KLRG2: variants seen among roughly 807,000 people sequenced by gnomAD.
The protein encoded by KLRG2 is killer cell lectin-like receptor subfamily G member 2.
A neutral mutation model predicts 35.4 loss-of-function variants in KLRG2; 39 were observed. The observed-to-expected ratio is 1.10, with a 90% confidence interval of 0.85 to 1.44. KLRG2 has a LOEUF of 1.44. Ranked by LOEUF, KLRG2 falls within the 40% of genes most tolerant of loss-of-function variation. The probability of loss-of-function intolerance (pLI) is 0.00; values close to 1 mark genes in which losing one functional copy is unlikely to be tolerated. For missense variants in KLRG2, 632 were observed against 570.9 expected (o/e 1.11, Z -1.09); for synonymous variants, 283 against 265.8 (o/e 1.06, Z -0.63).
downstream of KLRG2, among the ~76,000 whole-genome samples, chr7:139,450,384 C>T (rs921031213): frequency 5.7e-4 from 87 of 151,902 alleles, no homozygotes; most frequent in African/African-American, 1.5e-3. Flanking sequence ...CCACCACGCC[C>T]GGCTAATTTT....
chr7:139,435,905 AT>A, the KLRG2 span, among the ~76,000 whole-genome samples: 204 of 144,842 alleles, frequency 1.4e-3, no homozygotes, highest in Admixed American at 3.6e-3. Flanking sequence ...AGGGCCTGTA[AT>A]TTTTTTTTTT....
At chr7:139,430,302 T>A in the KLRG2 span, among the ~76,000 whole-genome samples, 1 of 152,154 alleles carries the variant, frequency 6.6e-6, no homozygotes, top group African/African-American at 2.4e-5. Flanking sequence ...CTTGGGAGGC[T>A]GAGGCAGGAG....
At chr7:139,479,863 C>G in intron 2 of KLRG2, 91 bp from the exon 3 acceptor site, 2 of 1,408,566 alleles carry the variant, frequency 1.4e-6, no homozygotes. Context: ...GGGCATGGAA[C>G]TGGCAAACCT....
the KLRG2 span, among the ~76,000 whole-genome samples, chr7:139,435,227 C>T: frequency 2.6e-5 from 4 of 152,162 alleles, no homozygotes; most frequent in Non-Finnish European, 4.4e-5. Flanking sequence ...CAGTGGCTCA[C>T]GCCTGTAATC....
At position 139,479,759 on chromosome 7, in the gene KLRG2, C is replaced by T. The variant is rs773635834; in HGVS notation, c.873G>A (p.Gln291=). The change falls in exon 3 of 5, where the codon CAG becomes CAA. Residue 291 remains glutamine (Q), a synonymous_variant. Transcript: ENST00000340940. ...VLASRAGARC[Q]QCPPGWVLSE... ...ACAACACCCAGCCTGGGGGGCACTG[C>T]TGGCATCTGGCTCCTGCAAGCACAG... is the stretch of plus-strand genomic sequence containing the variant. 6.2e-7 allele frequency: 1 copy of T among 1,613,664 alleles called. No homozygotes were observed. The highest frequency in any genetic ancestry group is 8.5e-7 in the Non-Finnish European group (1 of 1,179,812).
chr7:139,429,403 C>A, the KLRG2 span, among the ~76,000 whole-genome samples: 1 of 141,164 alleles, frequency 7.1e-6, no homozygotes, highest in African/African-American at 2.8e-5. Context: ...TTTTATTGAT[C>A]ATTCTTGGGT....
Position 139,482,973 on chromosome 7 carries a change from G to C in KLRG2, c.670C>G (p.Leu224Val). 2 of 1,427,404 alleles carry C rather than the reference G, an allele frequency of 1.4e-6. No homozygotes were observed. The highest frequency in any genetic ancestry group is 1.8e-6 in the Non-Finnish European group (2 of 1,101,070). The allele number at this position is 1,427,404 out of a possible 1,614,324, so 88.4% of individuals were successfully genotyped here. A position where few individuals can be genotyped will look rare whatever the true frequency, so the allele number is the denominator to read the frequency against. ...GSPTCCRCKE[L>V]GLEKEDAALL... ...GCCGCATCCTCCTTCTCCAGCCCCA[G>C]CTCCTTGCAGCGGCAGCACGTGGGG... Residue 224 changes from leucine (L) to valine (V), a missense_variant, in exon 1 of 5, where the codon CTG becomes GTG. Leu to Val is a conservative substitution (Grantham distance 32, BLOSUM62 1). Coordinates refer to ENST00000340940, the MANE Select transcript of KLRG2 (RefSeq NM_198508.4).
At chr7:139,451,964 TC>T (rs1390996113), downstream of KLRG2, among the ~76,000 whole-genome samples, 29 of 134,326 alleles carry the variant, frequency 2.2e-4, no homozygotes, top group African/African-American at 8.2e-4. Flanking sequence ...AATTTCCATG[TC>T]CTTTTTTTTT....
chr7:139,473,704 T>C (rs916857107), intron 3 of KLRG2, among the ~76,000 whole-genome samples: 2 of 152,182 alleles, frequency 1.3e-5, no homozygotes, highest in African/African-American at 4.8e-5. Flanking sequence ...CCAGGTACAG[T>C]GGCTCACACC....
chr7:139,428,160 T>C, the KLRG2 span, among the ~76,000 whole-genome samples: 1 of 152,210 alleles, frequency 6.6e-6, no homozygotes, highest in Non-Finnish European at 1.5e-5. Context: ...GCACCTTTTA[T>C]TCTAGTCTCA....
chr7:139,469,171 T>A (rs1421752565), intron 3 of KLRG2, among the ~76,000 whole-genome samples: 1 of 152,210 alleles, frequency 6.6e-6, no homozygotes, highest in Non-Finnish European at 1.5e-5. Context: ...TTTATTTACT[T>A]ATTTTTTTGA....
At chr7:139,449,137 C>T (rs1387641761), downstream of KLRG2, among the ~76,000 whole-genome samples, 5 of 150,044 alleles carry the variant, frequency 3.3e-5, no homozygotes, top group African/African-American at 9.9e-5. Context: ...CGTGGTGGCT[C>T]ACGCCTGTAA....
chr7:139,453,769 G>T, intron 4 of KLRG2, 62 bp from the exon 5 acceptor site: 2 of 1,599,554 alleles, frequency 1.3e-6, no homozygotes, highest in Non-Finnish European at 1.7e-6. Context: ...TTGCTTCCCA[G>T]CCAGACCCTC....
chr7:139,464,532 T>C (rs1270829599), intron 3 of KLRG2, among the ~76,000 whole-genome samples: 1 of 152,178 alleles, frequency 6.6e-6, no homozygotes, highest in Non-Finnish European at 1.5e-5. Context: ...TAGATAAACC[T>C]AGCTGACCCC....
At chr7:139,472,574 G>A (rs1404669144) in intron 3 of KLRG2, among the ~76,000 whole-genome samples, 2 of 150,120 alleles carry the variant, frequency 1.3e-5, no homozygotes, top group Non-Finnish European at 3.0e-5. Context: ...GTAAGACCCC[G>A]TGTCCATTAA....
At chr7:139,457,796 G>C (rs542416602) in intron 3 of KLRG2, among the ~76,000 whole-genome samples, 2 of 151,986 alleles carry the variant, frequency 1.3e-5, no homozygotes, top group Admixed American at 6.6e-5. Flanking sequence ...TTTTCCTTGC[G>C]TTTGAGACTC....
chr7:139,451,675 G>A (rs995261516), downstream of KLRG2, among the ~76,000 whole-genome samples: 3 of 152,090 alleles, frequency 2.0e-5, no homozygotes, highest in African/African-American at 7.2e-5. Flanking sequence ...AAAGAATGCG[G>A]CCTTTGGAGT....
At chr7:139,454,272 C>T (rs568347205) in intron 3 of KLRG2, 58 bp from the exon 4 acceptor site, 34 of 827,290 alleles carry the variant, frequency 4.1e-5, no homozygotes, top group South Asian at 7.5e-5. Flanking sequence ...TTGCCTGGGG[C>T]GTACGGATTC....
At chr7:139,445,081 AT>A in the KLRG2 span, among the ~76,000 whole-genome samples, 44,027 of 142,402 alleles carry the variant, frequency 0.31, 7,761 homozygotes, top group African/African-American at 0.5. Flanking sequence ...CACTATTTCT[AT>A]TTTTTTTTTT....
Sources: gnomAD v4.1 joint callset for allele counts (sites outside exome capture counted in the v4.1 genomes callset) on GRCh38, gnomAD v4.1.1 for gene constraint, MANE v1.5 for transcripts, NCBI Gene and HGNC (gene_info 2026-07-23, HGNC 2026-07-21) for gene names.